CTNNA3: variants seen among roughly 807,000 people sequenced by gnomAD.
CTNNA3 encodes the protein catenin alpha 3.
Under a neutral mutation model 95.7 loss-of-function variants are expected in CTNNA3, and 76 were observed. The ratio of observed to expected loss-of-function variants is 0.79; its 90% CI spans 0.66 to 0.96. The LOEUF is 0.96. CTNNA3 is among the 40% of genes least tolerant of loss of function. The probability of loss-of-function intolerance (pLI) is 0.00; values close to 1 mark genes in which losing one functional copy is unlikely to be tolerated. For missense variants in CTNNA3, 1,191 were observed against 1,089.8 expected, an observed-to-expected ratio of 1.09 and a Z score of -1.31; for synonymous variants, 431 against 374.4, an observed-to-expected ratio of 1.15 and a Z score of -1.74.
At chr10:67,531,407 A>T (rs1194376203) in intron 4 of CTNNA3, among the ~76,000 whole-genome samples, 1 of 152,226 alleles carries the variant, frequency 6.6e-6, no homozygotes, top group Non-Finnish European at 1.5e-5. Context: ...GATGTGAGAC[A>T]TGGAGTCAAA....
At chr10:67,165,288 A>G (rs1322488818) in intron 7 of CTNNA3, among the ~76,000 whole-genome samples, 1 of 152,216 alleles carries the variant, frequency 6.6e-6, no homozygotes, top group African/African-American at 2.4e-5. Flanking sequence ...TTTATAAAAC[A>G]CTGTATAATA....
At chr10:66,749,128 G>A (rs571079244) in intron 9 of CTNNA3, among the ~76,000 whole-genome samples, 116 of 149,268 alleles carry the variant, frequency 7.8e-4, no homozygotes, top group Middle Eastern at 3.4e-3. Context: ...ACTTGAACCC[G>A]GGAGGCAGAG....
At chr10:67,094,567 T>C (rs1332075925) in intron 7 of CTNNA3, among the ~76,000 whole-genome samples, 1 of 151,842 alleles carries the variant, frequency 6.6e-6, no homozygotes, top group Non-Finnish European at 1.5e-5. Flanking sequence ...TTGTCAAGCA[T>C]GGTGCCTCAT....
At chr10:67,619,098 C>T (rs1843747597) in intron 2 of CTNNA3, among the ~76,000 whole-genome samples, 1 of 152,132 alleles carries the variant, frequency 6.6e-6, no homozygotes, top group African/African-American at 2.4e-5. Flanking sequence ...GGAATAAAGA[C>T]AGCAGACAGA....
intron 13 of CTNNA3, among the ~76,000 whole-genome samples, chr10:66,135,940 C>T (rs570705614): frequency 4.1e-5 from 6 of 147,836 alleles, no homozygotes; most frequent in East Asian, 2.0e-4. Context: ...CTTGCTCTGT[C>T]GCGCAGGCTG....
intron 7 of CTNNA3, among the ~76,000 whole-genome samples, chr10:67,155,977 C>T (rs914183924): frequency 6.6e-6 from 1 of 152,078 alleles, no homozygotes; most frequent in African/African-American, 2.4e-5. Context: ...ATACTAGTTA[C>T]ATATAATGAT....
chr10:66,574,738 G>T (rs1321126740), intron 10 of CTNNA3, among the ~76,000 whole-genome samples: 2 of 152,100 alleles, frequency 1.3e-5, no homozygotes, highest in African/African-American at 2.4e-5. Flanking sequence ...TCCTGTAAGT[G>T]TAACAGTTTT....
intron 7 of CTNNA3, among the ~76,000 whole-genome samples, chr10:66,905,366 A>G (rs7918505): frequency 0.87 from 132,516 of 152,044 alleles, 58,105 homozygotes; most frequent in East Asian, 0.99. Flanking sequence ...TCTGGGGCCT[A>G]TTGGGGGTTG....
At chr10:67,440,513 A>C (rs969404644) in intron 5 of CTNNA3, among the ~76,000 whole-genome samples, 3 of 152,130 alleles carry the variant, frequency 2.0e-5, no homozygotes, top group Admixed American at 6.6e-5. Context: ...TAGTGGTTAC[A>C]GTAAGCCTTT....
intron 5 of CTNNA3, among the ~76,000 whole-genome samples, chr10:67,461,717 T>C (rs1480910241): frequency 6.6e-6 from 1 of 152,190 alleles, no homozygotes; most frequent in Non-Finnish European, 1.5e-5. Context: ...TGCAAGTCTT[T>C]CCTAGTCAAT....
intron 5 of CTNNA3, among the ~76,000 whole-genome samples, chr10:67,372,903 A>T (rs1843533657): frequency 6.6e-6 from 1 of 152,192 alleles, no homozygotes; most frequent in Non-Finnish European, 1.5e-5. Flanking sequence ...GAGAAATAAA[A>T]TACTTTATAG....
chr10:67,439,998 T>C (rs1227031755), intron 5 of CTNNA3, among the ~76,000 whole-genome samples: 1 of 152,134 alleles, frequency 6.6e-6, no homozygotes, highest in African/African-American at 2.4e-5. Context: ...AGGTACCAAC[T>C]CAGCCACAGT....
At chr10:67,682,583 C>A (rs1221079044) in intron 1 of CTNNA3, among the ~76,000 whole-genome samples, 5 of 152,090 alleles carry the variant, frequency 3.3e-5, no homozygotes, top group African/African-American at 1.2e-4. Context: ...GGGGTATAAA[C>A]TGATATGAAC....
rs572631484 is a variant in CTNNA3, at chr10:66,465,545, G to T, written c.1531+55072C>A. Among the ~76,000 whole-genome samples, 4 of 152,202 alleles carry T rather than the reference G, an allele frequency of 2.6e-5. No homozygotes were observed. In the South Asian group the frequency reaches 8.3e-4, roughly 32 times the overall value. ...GTTTTTCAATCTTACTGTACATGAG[G>T]GCAAATTTTTACTTCCTTGCCTCTG... On this transcript the variant is annotated intron_variant, in intron 11 of 17. Transcript: ENST00000433211.
At chr10:66,806,260 T>TG (rs1491511672) in intron 7 of CTNNA3, among the ~76,000 whole-genome samples, 4 of 95,526 alleles carry the variant, frequency 4.2e-5, no homozygotes, top group South Asian at 4.4e-4. Context: ...GATATTGGTG[T>TG]TTGTGTGTGT....
At chr10:65,930,571 C>T (rs936554525) in intron 17 of CTNNA3, among the ~76,000 whole-genome samples, 1 of 152,122 alleles carries the variant, frequency 6.6e-6, no homozygotes, top group Non-Finnish European at 1.5e-5. Context: ...TGCATATCCC[C>T]TCATTTTTAG....
At chr10:66,174,611 G>T (rs542197024) in intron 13 of CTNNA3, among the ~76,000 whole-genome samples, 2 of 151,742 alleles carry the variant, frequency 1.3e-5, no homozygotes, top group Non-Finnish European at 2.9e-5. Context: ...AACAGGGATC[G>T]AAAATAGAGT....
intron 13 of CTNNA3, among the ~76,000 whole-genome samples, chr10:66,135,925 G>A (rs2083321011): frequency 6.9e-6 from 1 of 144,472 alleles, no homozygotes; most frequent in African/African-American, 2.6e-5. Context: ...TTTTTGAGAT[G>A]GAGTCTTGCT....
intron 5 of CTNNA3, among the ~76,000 whole-genome samples, chr10:67,407,607 G>C (rs1244220129): frequency 6.6e-6 from 1 of 152,126 alleles, no homozygotes; most frequent in Non-Finnish European, 1.5e-5. Flanking sequence ...ATTCAAATAG[G>C]AAAGGAAGAA....
Sources: gnomAD v4.1 joint callset for allele counts (sites outside exome capture counted in the v4.1 genomes callset) on GRCh38, gnomAD v4.1.1 for gene constraint, MANE v1.5 for transcripts, NCBI Gene and HGNC (gene_info 2026-07-23, HGNC 2026-07-21) for gene names.